The following LRRC1 variants were observed in gnomAD, a reference collection of about 807,000 sequenced individuals.
LRRC1 encodes leucine rich repeat containing 1.
In LRRC1, 28 loss-of-function variants were observed where a neutral mutation model predicts 69.9. That is an observed-to-expected ratio of 0.40 (90% CI 0.30 to 0.55). LRRC1 has a LOEUF of 0.55. Ranked by LOEUF, LRRC1 falls within the 20% of genes least tolerant of loss-of-function variation. The pLI is 0.47. For synonymous variants in LRRC1, 236 were observed against 240.2 expected (o/e 0.98, Z 0.16); for missense variants, 498 against 609.0 (o/e 0.82, Z 1.92).
At chr6:53,872,420 C>T (rs73430298) in intron 2 of LRRC1, among the ~76,000 whole-genome samples, 31 of 152,242 alleles carry the variant, frequency 2.0e-4, no homozygotes, top group African/African-American at 7.5e-4. Context: ...GTTCTCTATT[C>T]TATTTCACTG....
rs1197374195 is a variant in LRRC1, at chr6:53,919,242, T to C, written c.1107-256T>C. 21 of 189,146 alleles carry C rather than the reference T, an allele frequency of 1.1e-4. No individual in the cohort carries two copies. The East Asian group carries it at 1.9e-3, about 17-fold the overall frequency. The allele number at this position is 189,146 out of a possible 1,614,324, so 11.7% of individuals were successfully genotyped here. ...AATTTTCTCTCTCTTTTTTTTTTTTTTTTTTTTTTTTTTGCTCTGTAATCT... is the reference window on the plus strand; with the variant it reads ...AATTTTCTCTCTCTTTTTTTTTTTTCTTTTTTTTTTTTTGCTCTGTAATCT... On this transcript the variant is annotated intron_variant, in intron 11 of 13. Transcript: ENST00000370888.
chr6:53,884,887 A>G lies in LRRC1; in HGVS notation c.446+1911A>G, dbSNP rs1397025149. 2.0e-5 allele frequency among the ~76,000 whole-genome samples: 3 copies of G among 152,110 alleles called. 1 individual carries two copies. The highest frequency in any genetic ancestry group is 2.4e-5 in the African/African-American group (1 of 41,440). On this transcript the variant is annotated intron_variant, in intron 4 of 13. Coordinates refer to ENST00000370888, the MANE Select transcript of LRRC1 (RefSeq NM_018214.5). ...CTGTACCTGCTTTTGTCAGTGTTCAAGATTTTTTTGTTTTGTTTTGTTTGT... is the reference window on the plus strand; with the variant it reads ...CTGTACCTGCTTTTGTCAGTGTTCAGGATTTTTTTGTTTTGTTTTGTTTGT...
At chr6:53,900,024 T>TG in intron 8 of LRRC1, 133 bp downstream of exon 8, 3 of 119,370 alleles carry the variant, frequency 2.5e-5, no homozygotes, top group East Asian at 6.8e-4. Flanking sequence ...CTTACTGTTT[T>TG]TTTTTTTTTT....
intron 1 of LRRC1, among the ~76,000 whole-genome samples, chr6:53,809,610 CTTTA>C (rs1302304205): frequency 5.9e-5 from 9 of 152,132 alleles, no homozygotes; most frequent in African/African-American, 1.2e-4. Context: ...TACTTGTGTA[CTTTA>C]TTTAGTTTTT....
intron 2 of LRRC1, among the ~76,000 whole-genome samples, chr6:53,853,759 GT>G (rs897627172): frequency 6.6e-6 from 1 of 152,204 alleles, no homozygotes. Context: ...GAATGTATTG[GT>G]TTTACCTTTG....
chr6:53,902,448 A>G (rs1010148732), intron 8 of LRRC1, among the ~76,000 whole-genome samples, 181 bp from the exon 9 acceptor site: 1 of 152,176 alleles, frequency 6.6e-6, no homozygotes, highest in African/African-American at 2.4e-5. Context: ...TAAACAAATT[A>G]TTTTAACTCC....
chr6:53,856,307 C>T (rs771730977), intron 2 of LRRC1, among the ~76,000 whole-genome samples: 6 of 152,152 alleles, frequency 3.9e-5, no homozygotes, highest in African/African-American at 9.7e-5. Flanking sequence ...ATCAGTTTAG[C>T]AGTGGCTCTT....
intron 2 of LRRC1, among the ~76,000 whole-genome samples, chr6:53,846,324 A>AT (rs1028886600): frequency 1.3e-5 from 2 of 152,026 alleles, no homozygotes; most frequent in African/African-American, 2.4e-5. Flanking sequence ...GGATTTATTT[A>AT]TTTTTTTTCT....
intron 1 of LRRC1, among the ~76,000 whole-genome samples, chr6:53,818,191 T>TA (rs1425544846): frequency 2.0e-5 from 3 of 152,190 alleles, no homozygotes; most frequent in Non-Finnish European, 4.4e-5. Context: ...GGCTATCTTT[T>TA]AAAAAATCTA....
chr6:53,910,914 A>C (rs1768388102), intron 10 of LRRC1, among the ~76,000 whole-genome samples: 1 of 152,206 alleles, frequency 6.6e-6, no homozygotes, highest in South Asian at 2.1e-4. Flanking sequence ...AGGTTGTGCC[A>C]TCCCTTCCTG....
At chr6:53,836,454 G>GTT (rs1765615641) in intron 1 of LRRC1, among the ~76,000 whole-genome samples, 1 of 152,050 alleles carries the variant, frequency 6.6e-6, no homozygotes. Context: ...CCTCAGTAGA[G>GTT]GTTAACTGCT....
At chr6:53,881,938 C>G (rs1465683235) in intron 3 of LRRC1, among the ~76,000 whole-genome samples, 1 of 152,124 alleles carries the variant, frequency 6.6e-6, no homozygotes, top group Non-Finnish European at 1.5e-5. Flanking sequence ...TATTTTAAAG[C>G]CTTGTTATTC....
intron 2 of LRRC1, among the ~76,000 whole-genome samples, chr6:53,859,023 TC>T (rs1766409579): frequency 6.6e-6 from 1 of 152,208 alleles, no homozygotes; most frequent in African/African-American, 2.4e-5. Flanking sequence ...CTACGCACTC[TC>T]TGCATGTCAG....
intron 2 of LRRC1, among the ~76,000 whole-genome samples, chr6:53,849,163 A>T (rs906643257): frequency 4.0e-5 from 6 of 150,738 alleles, no homozygotes; most frequent in African/African-American, 1.5e-4. Flanking sequence ...TTCTTCATTC[A>T]GTTACAGGTT....
rs58811163 is a variant in LRRC1, at chr6:53,847,380, G to A, written c.277+5153G>A. On this transcript the variant is annotated intron_variant, in intron 2 of 13. Transcript: ENST00000370888. The stretch of plus-strand genomic sequence containing the variant: ...GCAAAAATTGTGAAGGTGAAATAGA[G>A]ATGGGTGAAGTTAAGGAAATACTTG... Among the ~76,000 whole-genome samples, 1,277 of 152,296 alleles carry A rather than the reference G, an allele frequency of 8.4e-3. 85 individuals carry two copies. In the East Asian group the frequency reaches 0.18, roughly 21 times the overall value.
chr6:53,878,197 G>A (rs937571876), intron 2 of LRRC1, among the ~76,000 whole-genome samples: 2 of 152,028 alleles, frequency 1.3e-5, no homozygotes, highest in Non-Finnish European at 2.9e-5. Context: ...CCTCCTACTG[G>A]GTCCCTCCCA....
At chr6:53,917,036 T>C (rs1288032663) in intron 11 of LRRC1, among the ~76,000 whole-genome samples, 1 of 152,224 alleles carries the variant, frequency 6.6e-6, no homozygotes, top group Non-Finnish European at 1.5e-5. Context: ...TGTGCGTTGA[T>C]TCTGTTTATT....
rs1562066452 is a variant in LRRC1 at position 53,900,034 on chromosome 6, T to TG, written c.787+143_787+144insG. 36 of 497,978 alleles carry TG rather than the reference T, an allele frequency of 7.2e-5. No individual in the cohort carries two copies. In the African/African-American group the frequency reaches 9.5e-4, roughly 13 times the overall value. 30.8% of individuals were successfully genotyped at this position (497,978 alleles called of 1,614,324 possible). A position where few individuals can be genotyped will look rare whatever the true frequency, so the allele number is the denominator to read the frequency against. On this transcript the variant is annotated intron_variant, in intron 8 of 13. Coordinates refer to ENST00000370888, the MANE Select transcript of LRRC1 (RefSeq NM_018214.5). ...GTCTCCTTACTGTTTTTTTTTTTTTTTTTTTTTTTTTTTTTTTTTCTGAGA... is the reference window on the plus strand; with the variant it reads ...GTCTCCTTACTGTTTTTTTTTTTTTTGTTTTTTTTTTTTTTTTTTTCTGAGA...
chr6:53,863,845 C>T (rs891318374), intron 2 of LRRC1, among the ~76,000 whole-genome samples: 3 of 152,194 alleles, frequency 2.0e-5, no homozygotes, highest in Non-Finnish European at 4.4e-5. Context: ...TTTCAACCCA[C>T]TAGTCAGGAT....
Sources: allele counts gnomAD v4.1 joint callset (sites outside exome capture counted in the v4.1 genomes callset), GRCh38; gene constraint gnomAD v4.1.1; transcripts MANE v1.5; gene names NCBI Gene and HGNC (gene_info 2026-07-23, HGNC 2026-07-21).